The following COL21A1 variants were observed in gnomAD, a reference collection of about 807,000 sequenced individuals.
COL21A1 encodes collagen type XXI alpha 1 chain, also known as collagen alpha-1(XXI) chain.
COL21A1 carries 149 observed loss-of-function variants against 137.9 expected under a neutral mutation model. The ratio of observed to expected loss-of-function variants is 1.08; its 90% CI spans 0.95 to 1.24. The LOEUF (loss-of-function observed/expected upper bound fraction) is 1.24, where lower values mean the gene tolerates loss of function less well. Ranked by LOEUF, COL21A1 falls within the 50% of genes most tolerant of loss-of-function variation. The probability of loss-of-function intolerance (pLI) is 0.00; values close to 1 mark genes in which losing one functional copy is unlikely to be tolerated. For synonymous variants in COL21A1, 456 were observed against 391.5 expected, an observed-to-expected ratio of 1.16 and a Z score of -1.95; for missense variants, 1,167 against 1,158.4, an observed-to-expected ratio of 1.01 and a Z score of -0.11.
At chr6:56,367,757 C>T (rs1357064489) in intron 1 of COL21A1, among the ~76,000 whole-genome samples, 1 of 152,180 alleles carries the variant, frequency 6.6e-6, no homozygotes, top group African/African-American at 2.4e-5. Flanking sequence ...CTTTGTCACC[C>T]AGGCTGGAGT....
At chr6:56,061,539 C>T (rs1035219061) in intron 25 of COL21A1, 110 bp downstream of exon 25, 2 of 580,534 alleles carry the variant, frequency 3.4e-6, no homozygotes, top group Non-Finnish European at 5.9e-6. Context: ...AGATGAAAAA[C>T]ATTTCGTTTT....
intron 17 of COL21A1, among the ~76,000 whole-genome samples, chr6:56,096,454 A>G (rs1481838171): frequency 6.6e-6 from 1 of 152,228 alleles, no homozygotes; most frequent in African/African-American, 2.4e-5. Context: ...TAATAAATCT[A>G]TCTGGTGTTA....
chr6:56,168,362 C>T (rs1776762077), intron 5 of COL21A1, 65 bp from the exon 6 acceptor site: 1 of 1,320,208 alleles, frequency 7.6e-7, no homozygotes, highest in South Asian at 1.8e-5. Context: ...TTTCTTTGTT[C>T]TTACTCCCTT....
At chr6:56,219,013 T>G (rs1780655072) in intron 1 of COL21A1, among the ~76,000 whole-genome samples, 1 of 151,998 alleles carries the variant, frequency 6.6e-6, no homozygotes, top group Non-Finnish European at 1.5e-5. Flanking sequence ...AATAAGTGGG[T>G]GCCTCATGAG....
At chr6:56,117,663 G>A (rs12200667) in intron 16 of COL21A1, among the ~76,000 whole-genome samples, 22,833 of 151,778 alleles carry the variant, frequency 0.15, 1,753 homozygotes, top group Middle Eastern at 0.22. Context: ...GATTATTCTC[G>A]AAGACAGACC....
intron 1 of COL21A1, among the ~76,000 whole-genome samples, chr6:56,326,511 C>T (rs6910020): frequency 0.18 from 27,641 of 151,788 alleles, 3,751 homozygotes; most frequent in African/African-American, 0.38. Context: ...TTTCATTAGA[C>T]TCTCGAATCT....
intron 1 of COL21A1, among the ~76,000 whole-genome samples, chr6:56,278,332 A>T (rs1763715536): frequency 6.6e-6 from 1 of 152,200 alleles, no homozygotes; most frequent in Admixed American, 6.5e-5. Flanking sequence ...TCCAGCTGAC[A>T]CATCCCTGTG....
intron 1 of COL21A1, among the ~76,000 whole-genome samples, chr6:56,369,307 A>G (rs1478950156): frequency 6.6e-6 from 1 of 151,946 alleles, no homozygotes; most frequent in African/African-American, 2.4e-5. Flanking sequence ...AAGAATAGCC[A>G]TAAGTCAATT....
At chr6:56,164,947 C>A in intron 7 of COL21A1, 125 bp from the exon 8 acceptor site, 1 of 683,624 alleles carries the variant, frequency 1.5e-6, no homozygotes, top group Non-Finnish European at 2.4e-6. Context: ...CAACAAAAAC[C>A]AAAATATTTC....
intron 16 of COL21A1, among the ~76,000 whole-genome samples, chr6:56,110,255 C>CTTT (rs35299623): frequency 1.1e-4 from 13 of 121,922 alleles, no homozygotes; most frequent in African/African-American, 4.0e-4. Flanking sequence ...GCAGAAAAAG[C>CTTT]TTTTTTTTTT....
At chr6:56,191,203 A>C (rs1159470803) in intron 1 of COL21A1, among the ~76,000 whole-genome samples, 1 of 152,152 alleles carries the variant, frequency 6.6e-6, no homozygotes, top group Non-Finnish European at 1.5e-5. Flanking sequence ...TATTTAGAAA[A>C]ACCCATTGTC....
At chr6:56,102,857 G>A (rs1288184566) in intron 16 of COL21A1, among the ~76,000 whole-genome samples, 2 of 152,146 alleles carry the variant, frequency 1.3e-5, no homozygotes, top group South Asian at 2.1e-4. Context: ...AAGGAGCAAA[G>A]ATTAATGCTT....
chr6:56,151,258 TA>T (rs1775303572), intron 10 of COL21A1, among the ~76,000 whole-genome samples: 1 of 151,496 alleles, frequency 6.6e-6, no homozygotes, highest in South Asian at 2.1e-4. Flanking sequence ...AAAAAAAGAG[TA>T]ACTAATGATA....
intron 1 of COL21A1, among the ~76,000 whole-genome samples, chr6:56,343,942 T>C (rs906180511): frequency 5.3e-5 from 8 of 152,090 alleles, no homozygotes; most frequent in Middle Eastern, 3.2e-3. Flanking sequence ...AAAGACACTG[T>C]CTCACACACA....
intron 1 of COL21A1, among the ~76,000 whole-genome samples, chr6:56,268,069 A>C (rs1763436103): frequency 6.6e-6 from 1 of 152,142 alleles, no homozygotes; most frequent in African/African-American, 2.4e-5. Context: ...CGTTCCCAGT[A>C]TCCCAAAGCT....
chr6:56,258,253 AG>A (rs1458470457), intron 1 of COL21A1, among the ~76,000 whole-genome samples: 1 of 152,154 alleles, frequency 6.6e-6, no homozygotes, highest in Non-Finnish European at 1.5e-5. Flanking sequence ...ATTTATTTTC[AG>A]GAGTACATAC....
chr6:56,151,947 G>T (rs553229788), intron 10 of COL21A1, among the ~76,000 whole-genome samples: 2 of 152,162 alleles, frequency 1.3e-5, no homozygotes, highest in Non-Finnish European at 2.9e-5. Context: ...GAGACACTGC[G>T]GGGAGGGGCT....
chr6:56,282,684 A>G (rs1763810755), intron 1 of COL21A1, among the ~76,000 whole-genome samples: 1 of 152,230 alleles, frequency 6.6e-6, no homozygotes, highest in African/African-American at 2.4e-5. Flanking sequence ...TTTGTCTTAC[A>G]CAATTTTCAA....
chr6:56,123,482 A>G (rs142501078), intron 16 of COL21A1, among the ~76,000 whole-genome samples: 1 of 152,346 alleles, frequency 6.6e-6, no homozygotes, highest in Non-Finnish European at 1.5e-5. Context: ...ACAAGATAAC[A>G]TCCCTATGTC....
Sources: gnomAD v4.1 joint callset for allele counts (sites outside exome capture counted in the v4.1 genomes callset) on GRCh38, gnomAD v4.1.1 for gene constraint, MANE v1.5 for transcripts, NCBI Gene and HGNC (gene_info 2026-07-23, HGNC 2026-07-21) for gene names.